Variants in SGMS1 observed in about 807,000 individuals in gnomAD.
SGMS1 encodes the protein sphingomyelin synthase 1.
Under a neutral mutation model 46.2 loss-of-function variants are expected in SGMS1, and 13 were observed. That is an observed-to-expected ratio of 0.28 (90% confidence interval 0.18 to 0.45). The LOEUF (loss-of-function observed/expected upper bound fraction) is 0.45, where lower values mean the gene tolerates loss of function less well. Ranked by LOEUF, SGMS1 falls within the 20% of genes least tolerant of loss-of-function variation. SGMS1 has a pLI of 1.00. For missense variants in SGMS1, 324 were observed against 519.9 expected (o/e 0.62, Z 3.66); for synonymous variants, 203 against 187.8 (o/e 1.08, Z -0.66).
chr10:50,591,846 T>C (rs1291477222), intron 1 of SGMS1, among the ~76,000 whole-genome samples: 3 of 152,232 alleles, frequency 2.0e-5, no homozygotes, highest in Non-Finnish European at 4.4e-5. Context: ...CTCTGCATGA[T>C]GGCCCTACTT....
At chr10:50,456,244 G>A (rs187330192) in intron 5 of SGMS1, among the ~76,000 whole-genome samples, 1 of 150,438 alleles carries the variant, frequency 6.6e-6, no homozygotes, top group African/African-American at 2.5e-5. Context: ...ACATATAAAG[G>A]CAGAGCTGCT....
At chr10:50,377,281 A>G (rs1848534772) in intron 6 of SGMS1, among the ~76,000 whole-genome samples, 1 of 152,068 alleles carries the variant, frequency 6.6e-6, no homozygotes. Context: ...TTTATAACGG[A>G]TCCACTTTCA....
chr10:50,603,208 C>A (rs1277145681), intron 1 of SGMS1, among the ~76,000 whole-genome samples: 1 of 152,178 alleles, frequency 6.6e-6, no homozygotes, highest in Non-Finnish European at 1.5e-5. Context: ...CCTAATAAAC[C>A]TGTAGGATGA....
intron 2 of SGMS1, among the ~76,000 whole-genome samples, chr10:50,530,711 C>T (rs1837945321): frequency 6.6e-6 from 1 of 152,096 alleles, no homozygotes; most frequent in Middle Eastern, 3.4e-3. Flanking sequence ...TCTCAAACTC[C>T]TGGCCTCAAG....
intron 6 of SGMS1, among the ~76,000 whole-genome samples, chr10:50,354,621 C>A (rs1848102495): frequency 6.6e-6 from 1 of 152,094 alleles, no homozygotes; most frequent in South Asian, 2.1e-4. Context: ...AGCTTCTGCA[C>A]AGCAAAAGAA....
intron 2 of SGMS1, among the ~76,000 whole-genome samples, chr10:50,550,511 T>C (rs754365536): frequency 2.0e-5 from 3 of 152,180 alleles, no homozygotes; most frequent in Non-Finnish European, 4.4e-5. Context: ...CCAACACCTC[T>C]GGCTCCAGCC....
chr10:50,577,475 G>C (rs552826704), intron 2 of SGMS1, among the ~76,000 whole-genome samples: 1 of 152,274 alleles, frequency 6.6e-6, no homozygotes, highest in East Asian at 1.9e-4. Flanking sequence ...TTCCTAACGT[G>C]CAAGAATTCG....
intron 2 of SGMS1, among the ~76,000 whole-genome samples, chr10:50,586,106 T>G (rs995296878): frequency 9.9e-5 from 15 of 152,210 alleles, no homozygotes; most frequent in Middle Eastern, 3.2e-3. Flanking sequence ...GAGCATGACT[T>G]TTTGAATAAA....
intron 2 of SGMS1, among the ~76,000 whole-genome samples, chr10:50,568,106 T>A (rs975236419): frequency 2.0e-5 from 3 of 152,216 alleles, no homozygotes; most frequent in Admixed American, 1.3e-4. Context: ...ATCACATACC[T>A]AAAATATATC....
At chr10:50,367,431 T>G (rs963469621) in intron 6 of SGMS1, among the ~76,000 whole-genome samples, 2 of 152,216 alleles carry the variant, frequency 1.3e-5, no homozygotes, top group African/African-American at 4.8e-5. Flanking sequence ...AATTCTAAAT[T>G]CATGGCGCTT....
intron 2 of SGMS1, among the ~76,000 whole-genome samples, chr10:50,550,399 A>G (rs1564429637): frequency 6.6e-6 from 1 of 152,174 alleles, no homozygotes; most frequent in East Asian, 1.9e-4. Context: ...TCTAATTTGC[A>G]TGAAGCTGCG....
intron 3 of SGMS1, among the ~76,000 whole-genome samples, chr10:50,492,076 A>T (rs1837572230): frequency 6.6e-6 from 1 of 152,270 alleles, no homozygotes. Flanking sequence ...CAACATGATT[A>T]TCTCAATAGA....
chr10:50,391,376 T>G (rs1320599554), intron 6 of SGMS1, among the ~76,000 whole-genome samples: 1 of 152,214 alleles, frequency 6.6e-6, no homozygotes, highest in Non-Finnish European at 1.5e-5. Flanking sequence ...GCTGAATTTT[T>G]TTTAAAAGAA....
chr10:50,458,245 C>T (rs1837217253), intron 5 of SGMS1, among the ~76,000 whole-genome samples: 1 of 151,044 alleles, frequency 6.6e-6, no homozygotes, highest in South Asian at 2.1e-4. Flanking sequence ...AATGTCATCA[C>T]TGTGTATAAT....
intron 3 of SGMS1, among the ~76,000 whole-genome samples, chr10:50,510,467 G>T (rs903099909): frequency 1.3e-5 from 2 of 152,176 alleles, no homozygotes; most frequent in Non-Finnish European, 2.9e-5. Context: ...ATTTTCCAAA[G>T]TGGCTATATC....
intron 1 of SGMS1, among the ~76,000 whole-genome samples, chr10:50,620,499 T>C (rs541176680): frequency 3.2e-4 from 49 of 152,310 alleles, no homozygotes; most frequent in Non-Finnish European, 5.1e-4. Context: ...GGTGGGAAAG[T>C]GTATATGGCA....
At chr10:50,429,495 C>T (rs1849372924) in intron 6 of SGMS1, among the ~76,000 whole-genome samples, 1 of 152,078 alleles carries the variant, frequency 6.6e-6, no homozygotes, top group African/African-American at 2.4e-5. Context: ...AGAACATAGC[C>T]TCATAATTAA....
rs114608545 is a variant in SGMS1 at position 50,417,624 on chromosome 10, A to G, written c.-232+15852T>C. Reference sequence around the variant, plus strand: ...TCATTCACAAGCCAGCTTCCAACCAACCAAAGGAGTTGCCAAAAGGGCTGT... The same window carrying G: ...TCATTCACAAGCCAGCTTCCAACCAGCCAAAGGAGTTGCCAAAAGGGCTGT... On this transcript the variant is annotated intron_variant, in intron 6 of 10. Transcript: ENST00000361781. Among the ~76,000 whole-genome samples, 1,001 of 152,206 alleles carry G rather than the reference A, an allele frequency of 6.6e-3. 8 individuals are homozygous for G. Among genetic ancestry groups the G allele is most frequent in the African/African-American group, 0.023 (943 of 41,496 alleles).
rs576133854 is a variant in SGMS1 at position 50,344,206 on chromosome 10, C to G, written c.-92G>C. ...GGCAGGACACTGTCCTGCCTCGGCTCGTTCATCCTGTGGGGCCTCATGAGC... is the reference window on the plus strand; with the variant it reads ...GGCAGGACACTGTCCTGCCTCGGCTGGTTCATCCTGTGGGGCCTCATGAGC... On this transcript the variant is annotated 5_prime_UTR_variant, in exon 7 of 11. Transcript: ENST00000361781. The G allele has an allele frequency of 1.3e-6, 2 of 1,484,640 alleles. No individual in the cohort carries two copies. Among genetic ancestry groups the G allele is most frequent in the Non-Finnish European group, 1.8e-6 (2 of 1,121,078 alleles). The allele number at this position is 1,484,640 out of a possible 1,614,324, so 92.0% of individuals were successfully genotyped here. A position where few individuals can be genotyped will look rare whatever the true frequency, so the allele number is the denominator to read the frequency against.
Sources: gnomAD v4.1 joint callset for allele counts (sites outside exome capture counted in the v4.1 genomes callset) on GRCh38, gnomAD v4.1.1 for gene constraint, MANE v1.5 for transcripts, NCBI Gene and HGNC (gene_info 2026-07-23, HGNC 2026-07-21) for gene names.